ABCA4: variants seen among roughly 807,000 people sequenced by gnomAD.
ABCA4 encodes retinal-specific phospholipid-transporting ATPase ABCA4.
In ABCA4, 196 loss-of-function variants were observed where a neutral mutation model predicts 263.7. That is an observed-to-expected ratio of 0.74 (90% confidence interval 0.66 to 0.84). ABCA4 has a LOEUF of 0.84. Among genes scored for constraint, ABCA4 ranks in the 40% least tolerant of loss-of-function variants. The pLI, the probability that ABCA4 is intolerant of heterozygous loss-of-function variation, is 0.00. For missense variants in ABCA4, 2,792 were observed against 2,855.1 expected (o/e 0.98, Z 0.50); for synonymous variants, 1,133 against 1,094.2 (o/e 1.04, Z -0.70).
chr1:94,044,583 T>C, intron 20 of ABCA4, 30 bp downstream of exon 20: 1 of 1,614,066 alleles, frequency 6.2e-7, no homozygotes, highest in South Asian at 1.1e-5. Flanking sequence ...GGAGAGGGGA[T>C]GGGGCGGTCT....
At chr1:94,020,441 A>G (rs1439027613) in intron 35 of ABCA4, among the ~76,000 whole-genome samples, 2 of 152,250 alleles carry the variant, frequency 1.3e-5, no homozygotes, top group East Asian at 3.8e-4. Context: ...TGTGGTAGTC[A>G]CTACCTTGAT....
At chr1:94,093,260 G>A (rs1662025770) in intron 6 of ABCA4, among the ~76,000 whole-genome samples, 1 of 152,214 alleles carries the variant, frequency 6.6e-6, no homozygotes, top group Non-Finnish European at 1.5e-5. Flanking sequence ...ACATTTTAAT[G>A]TAAAGGCTAT....
intron 6 of ABCA4, among the ~76,000 whole-genome samples, chr1:94,093,138 G>T (rs1165612087): frequency 6.6e-6 from 1 of 152,164 alleles, no homozygotes; most frequent in African/African-American, 2.4e-5. Context: ...GGGCAGGGAG[G>T]ATGCTGAAGG....
intron 3 of ABCA4, among the ~76,000 whole-genome samples, chr1:94,109,061 C>A (rs187968482): frequency 6.6e-6 from 1 of 152,158 alleles, no homozygotes; most frequent in Admixed American, 6.5e-5. Context: ...CATGAGCCAC[C>A]GTGCTTGGCC....
At chr1:94,043,030 C>A (rs148272696) in intron 21 of ABCA4, 132 bp from the exon 22 acceptor site, 1 of 1,335,582 alleles carries the variant, frequency 7.5e-7, no homozygotes, top group Non-Finnish European at 1.1e-6. Context: ...ATGTTTATAG[C>A]GTTCAAAGCC....
At chr1:94,045,713 C>T (rs1449133026) in intron 19 of ABCA4, 2 of 455,758 alleles carry the variant, frequency 4.4e-6, no homozygotes, top group East Asian at 7.0e-5. Flanking sequence ...TAGAGGGAAA[C>T]AGAACCAATT....
rs112653457 is a variant in ABCA4, at chr1:94,019,856, C to A, written c.5019-97G>T. On this transcript the variant is annotated intron_variant, in intron 35 of 49. Transcript: ENST00000370225. The stretch of plus-strand genomic sequence containing the variant: ...TCAGGCTTTGGGAAGGCCTTACACC[C>A]GCCCAGGTGTGGCCTCCAGGTTCCT... 6,184 of 1,360,498 alleles carry A rather than the reference C, an allele frequency of 4.5e-3. 17 individuals are homozygous for A. The highest frequency in any genetic ancestry group is 5.8e-3 in the Non-Finnish European group (5,649 of 975,856). The allele number at this position is 1,360,498 out of a possible 1,614,324, so 84.3% of individuals were successfully genotyped here.
At chr1:94,094,791 G>A (rs1662077258) in intron 6 of ABCA4, among the ~76,000 whole-genome samples, 1 of 152,152 alleles carries the variant, frequency 6.6e-6, no homozygotes, top group Non-Finnish European at 1.5e-5. Flanking sequence ...GAGAAGGAGG[G>A]GCATGCATGC....
chr1:94,030,377 G>A (rs1557772619), intron 29 of ABCA4, 51 bp downstream of exon 29: 2 of 1,560,274 alleles, frequency 1.3e-6, no homozygotes, highest in Non-Finnish European at 1.8e-6. Context: ...CCACCGTTGG[G>A]TCCTCCCAGG....
At chr1:94,010,530 T>C (rs1659514953) in intron 40 of ABCA4, 1 of 562,996 alleles carries the variant, frequency 1.8e-6, no homozygotes, top group African/African-American at 1.9e-5. Flanking sequence ...AATACACATT[T>C]GGTAATTAAA....
intron 40 of ABCA4, chr1:94,010,571 T>A: frequency 1.5e-6 from 1 of 670,736 alleles, no homozygotes; most frequent in East Asian, 2.8e-5. Flanking sequence ...CAATTGAAAT[T>A]AATAGCACTG....
At chr1:94,099,349 T>C (rs1159983466) in intron 5 of ABCA4, among the ~76,000 whole-genome samples, 1 of 152,196 alleles carries the variant, frequency 6.6e-6, no homozygotes, top group Non-Finnish European at 1.5e-5. Flanking sequence ...AAATGGATTT[T>C]TCTCTAGAAC....
intron 16 of ABCA4, among the ~76,000 whole-genome samples, chr1:94,051,994 C>T (rs564338343): frequency 1.3e-5 from 2 of 152,242 alleles, no homozygotes; most frequent in South Asian, 2.1e-4. Context: ...AGTCCTTTTC[C>T]AGGAGTCAGA....
At chr1:94,117,460 T>C (rs980777965) in intron 1 of ABCA4, among the ~76,000 whole-genome samples, 1 of 120,950 alleles carries the variant, frequency 8.3e-6, no homozygotes, top group African/African-American at 2.9e-5. Context: ...CGCCCCACTT[T>C]CATGAGTCCT....
Position 94,025,006 on chromosome 1 carries a change from T to C in ABCA4, c.4582A>G (p.Arg1528Gly), listed in dbSNP as rs945597194. The C allele has an allele frequency of 6.2e-7, 1 of 1,614,130 alleles. No individual in the cohort carries two copies. Among genetic ancestry groups the C allele is most frequent in the Non-Finnish European group, 8.5e-7 (1 of 1,180,046 alleles). ...TTTACCAAGAAGTCGGAGATGTTCC[T>C]GTCCGTCAGGTCTTGTAGAATTTCC... ...STEILQDLTD[R>G]NISDFLVKTY... The change falls in exon 31 of 50, where the codon AGG becomes GGG. Residue 1528 changes from arginine (R) to glycine (G), a missense_variant. By Grantham distance (125) the Arg-to-Gly change is moderately radical. Transcript: ENST00000370225.
Position 94,005,456 on chromosome 1 carries a change from T to C in ABCA4, c.6132A>G (p.Ala2044=). 6.2e-7 allele frequency: 1 copy of C among 1,614,202 alleles called. No homozygotes were observed. The highest frequency in any genetic ancestry group is 8.5e-7 in the Non-Finnish European group (1 of 1,180,040). The change falls in exon 44 of 50, where the codon GCA becomes GCG. Residue 2044 remains alanine, a synonymous_variant. Coordinates refer to ENST00000370225, the MANE Select transcript of ABCA4 (RefSeq NM_000350.3). Reference sequence around the variant, plus strand: ...CATTTTTCACCTTTTCGATTTCTTCTGCTGGTACACCTCGAAGCCGGGCAT... The same window carrying C: ...CATTTTTCACCTTTTCGATTTCTTCCGCTGGTACACCTCGAAGCCGGGCAT... ...YLYARLRGVP[A]EEIEKVANWS...
At chr1:94,078,457 G>A (rs532590461) in intron 10 of ABCA4, 133 bp downstream of exon 10, 2 of 717,332 alleles carry the variant, frequency 2.8e-6, no homozygotes, top group South Asian at 3.4e-5. Context: ...GAAGGCCTTT[G>A]GGGCCTGCTT....
At chr1:94,058,321 G>C (rs574528661) in intron 14 of ABCA4, among the ~76,000 whole-genome samples, 2 of 152,200 alleles carry the variant, frequency 1.3e-5, no homozygotes, top group South Asian at 4.2e-4. Flanking sequence ...TCACTTTAAG[G>C]TAGTTGTTGC....
In ABCA4 at chr1:94,081,876, G is replaced by A. The variant is rs3789419; in HGVS notation, c.859-1158C>T. Among the ~76,000 whole-genome samples the A allele has an allele frequency of 5.9e-3, 898 of 152,234 alleles. 12 individuals are homozygous for A. Among genetic ancestry groups the A allele is most frequent in the East Asian group, 0.046 (239 of 5,180 alleles). The stretch of plus-strand genomic sequence containing the variant: ...TAATGCCATTTGGCTTTGCTTTAGG[G>A]GAAAATACGAAATTAAAATAATGCT... On this transcript the variant is annotated intron_variant, in intron 7 of 49. Coordinates refer to ENST00000370225, the MANE Select transcript of ABCA4 (RefSeq NM_000350.3).
Sources: allele counts gnomAD v4.1 joint callset (sites outside exome capture counted in the v4.1 genomes callset), GRCh38; gene constraint gnomAD v4.1.1; transcripts MANE v1.5; gene names NCBI Gene and HGNC (gene_info 2026-07-23, HGNC 2026-07-21).